Variants in LPA observed in about 807,000 individuals in gnomAD.
LPA encodes the protein apolipoprotein(a).
LPA carries 199 observed loss-of-function variants against 197.9 expected under a neutral mutation model. That is an observed-to-expected ratio of 1.01 (90% CI 0.90 to 1.13). The LOEUF is 1.13. Among genes scored for constraint, LPA ranks in the 50% most tolerant of loss-of-function variants. The pLI, the probability that LPA is intolerant of heterozygous loss-of-function variation, is 0.00. For synonymous variants in LPA, 715 were observed against 639.5 expected (o/e 1.12, Z -1.78); for missense variants, 1,853 against 1,785.8 (o/e 1.04, Z -0.68).
At chr6:160,567,672 C>G (rs1284799558) in intron 28 of LPA, among the ~76,000 whole-genome samples, 1 of 151,882 alleles carries the variant, frequency 6.6e-6, no homozygotes, top group Non-Finnish European at 1.5e-5. Flanking sequence ...GATAGAGACA[C>G]AAAAAAACCT....
At chr6:160,591,170 C>A (rs981876414) in intron 22 of LPA, 69 bp from the exon 23 acceptor site, 10 of 1,589,952 alleles carry the variant, frequency 6.3e-6, no homozygotes, top group Non-Finnish European at 8.6e-6. Flanking sequence ...ACATCCTCTA[C>A]ATTTTGTTGT....
chr6:160,562,816 A>G (rs1035630430), intron 28 of LPA, among the ~76,000 whole-genome samples: 17 of 152,116 alleles, frequency 1.1e-4, no homozygotes, highest in Admixed American at 6.5e-5. Flanking sequence ...GTGTCCAGGA[A>G]TTTATCCATT....
chr6:160,595,297 G>A (rs1200691838), intron 21 of LPA, 57 bp downstream of exon 21: 9 of 1,595,790 alleles, frequency 5.6e-6, no homozygotes, highest in Admixed American at 1.7e-5. Context: ...CTAAGATTTT[G>A]CAACTCTTTT....
chr6:160,541,632 C>A (rs1197992336), intron 34 of LPA, among the ~76,000 whole-genome samples: 1 of 152,202 alleles, frequency 6.6e-6, no homozygotes, highest in Non-Finnish European at 1.5e-5. Flanking sequence ...CTGATCTTAC[C>A]TGAAAAGTTT....
chr6:160,575,774 C>T (rs1213659996), intron 28 of LPA, among the ~76,000 whole-genome samples: 1 of 152,152 alleles, frequency 6.6e-6, no homozygotes, highest in South Asian at 2.1e-4. Context: ...TATTCTTTCC[C>T]CAGTAGCTGT....
intron 16 of LPA, among the ~76,000 whole-genome samples, chr6:160,607,184 A>T (rs1779374481): frequency 6.6e-6 from 1 of 152,142 alleles, no homozygotes; most frequent in Non-Finnish European, 1.5e-5. Flanking sequence ...CTATGTACTC[A>T]AAACCTCGCG....
chr6:160,533,193 G>T (rs946068232), intron 37 of LPA, among the ~76,000 whole-genome samples: 1 of 152,116 alleles, frequency 6.6e-6, no homozygotes, highest in Admixed American at 6.5e-5. Flanking sequence ...TATGGTGACG[G>T]TTGCACACCA....
chr6:160,607,915 T>G (rs959585657), intron 16 of LPA, among the ~76,000 whole-genome samples: 2 of 152,184 alleles, frequency 1.3e-5, no homozygotes, highest in Non-Finnish European at 2.9e-5. Context: ...AATATCTCCT[T>G]GAACCCACAC....
At chr6:160,653,711 A>G (rs1383310768) in intron 1 of LPA, among the ~76,000 whole-genome samples, 1 of 150,704 alleles carries the variant, frequency 6.6e-6, no homozygotes, top group African/African-American at 2.4e-5. Context: ...CAAAAAAAGA[A>G]AACTTCAAGC....
intron 20 of LPA, among the ~76,000 whole-genome samples, chr6:160,597,107 C>A: frequency 6.6e-6 from 1 of 152,154 alleles, no homozygotes; most frequent in Non-Finnish European, 1.5e-5. Flanking sequence ...GTAGAGTACA[C>A]CTCAGTGAAT....
In LPA at chr6:160,591,097, G is replaced by A. The variant is rs779895747; in HGVS notation, c.3634C>T (p.Leu1212=). Residue 1212 remains leucine (L), a synonymous_variant, in exon 23 of 39, where the codon CTG becomes TTG. Coordinates refer to ENST00000316300, the MANE Select transcript of LPA (RefSeq NM_005577.4). ...GGATTCCTGCAGTAGTTCCTGGTCAGGCCACTGCAAATTACAAAACAATAC... is the reference window on the plus strand; with the variant it reads ...GGATTCCTGCAGTAGTTCCTGGTCAAGCCACTGCAAATTACAAAACAATAC... ...RTTEYYPNGG[L]TRNYCRNPDA... 54 of 1,613,400 alleles carry A rather than the reference G, an allele frequency of 3.3e-5. No homozygotes were observed. The highest frequency in any genetic ancestry group is 4.3e-5 in the Non-Finnish European group (51 of 1,179,874).
chr6:160,600,804 C>T, intron 19 of LPA, 113 bp downstream of exon 19: 2 of 1,263,716 alleles, frequency 1.6e-6, no homozygotes, highest in Non-Finnish European at 2.3e-6. Context: ...ATGGCAGACC[C>T]AGAACCAACA....
chr6:160,595,503 T>C lies in LPA; in HGVS notation c.3320A>G (p.Asp1107Gly). Residue 1107 changes from aspartate (D) to glycine (G), a missense_variant, in exon 21 of 39, where the codon GAT (aspartate) becomes GGT (glycine). Physicochemically the swap from Asp to Gly is moderately conservative, Grantham distance 94. Transcript: ENST00000316300. ...GLTRNYCRNP[D>G]AEIRPWCYTM... ...GTAACACCAAGGGCGAATCTCAGCA[T>C]CTGGATTCCTGCAGTAGTTCCTGGT... 6.2e-7 allele frequency: 1 copy of C among 1,614,000 alleles called. No individual in the cohort carries two copies. Among genetic ancestry groups the C allele is most frequent in the Non-Finnish European group, 8.5e-7 (1 of 1,179,948 alleles).
At chr6:160,581,937 G>A (rs529690872) in intron 26 of LPA, among the ~76,000 whole-genome samples, 8 of 152,132 alleles carry the variant, frequency 5.3e-5, no homozygotes, top group Non-Finnish European at 8.8e-5. Flanking sequence ...TATCAATAAA[G>A]TTTTTTTGTT....
At chr6:160,588,156 C>A (rs1413295486) in intron 24 of LPA, among the ~76,000 whole-genome samples, 1 of 152,020 alleles carries the variant, frequency 6.6e-6, no homozygotes, top group Admixed American at 6.6e-5. Flanking sequence ...ACAGTGAAAG[C>A]TTCTTGTGTC....
chr6:160,541,311 C>G, intron 34 of LPA, 130 bp from the exon 35 acceptor site: 1 of 736,526 alleles, frequency 1.4e-6, no homozygotes. Flanking sequence ...GGACTACCGC[C>G]CAACGTCAGG....
intron 30 of LPA, among the ~76,000 whole-genome samples, chr6:160,553,272 G>A (rs189272696): frequency 1.3e-5 from 2 of 152,070 alleles, no homozygotes. Context: ...GCCATTTCCA[G>A]GGCTCTTCAT....
intron 33 of LPA, among the ~76,000 whole-genome samples, chr6:160,545,239 G>A (rs910771130): frequency 6.6e-6 from 1 of 152,022 alleles, no homozygotes; most frequent in African/African-American, 2.4e-5. Flanking sequence ...GGTGGGAGGG[G>A]CGGGTGTTTT....
chr6:160,586,468 T>C lies in LPA; in HGVS notation c.4110A>G (p.Thr1370=). Residue 1370 remains threonine, a synonymous_variant, in exon 25 of 39, where the codon ACA becomes ACG. Coordinates refer to ENST00000316300, the MANE Select transcript of LPA (RefSeq NM_005577.4). ...TCTTACCTTCTTCAGAAGGAAGCTC[T>C]GTGCTTGGAACTGGGACCACCGTGG... ...TTPTVVPVPS[T]ELPSEEAPTE... 1 of 1,613,672 alleles carries C rather than the reference T, an allele frequency of 6.2e-7. No homozygotes were observed. The highest frequency in any genetic ancestry group is 8.5e-7 in the Non-Finnish European group (1 of 1,179,648).
Sources: allele counts gnomAD v4.1 joint callset (sites outside exome capture counted in the v4.1 genomes callset), GRCh38; gene constraint gnomAD v4.1.1; transcripts MANE v1.5; gene names NCBI Gene and HGNC (gene_info 2026-07-23, HGNC 2026-07-21).